Variants in ACOT11 observed in about 807,000 individuals in gnomAD.
The protein encoded by ACOT11 is acyl-coenzyme A thioesterase 11.
Under a neutral mutation model 77.5 loss-of-function variants are expected in ACOT11, and 69 were observed. The ratio of observed to expected loss-of-function variants is 0.89; its 90% CI spans 0.73 to 1.09. ACOT11 has a LOEUF of 1.09. Ranked by LOEUF, ACOT11 falls within the 50% of genes least tolerant of loss-of-function variation. The pLI is 0.00. For synonymous variants in ACOT11, 279 were observed against 313.0 expected, an observed-to-expected ratio of 0.89 and a Z score of 1.15; for missense variants, 766 against 813.7, an observed-to-expected ratio of 0.94 and a Z score of 0.71.
downstream of ACOT11, among the ~76,000 whole-genome samples, chr1:54,613,185 G>A (rs1644136911): frequency 6.6e-6 from 1 of 151,984 alleles, no homozygotes; most frequent in Non-Finnish European, 1.5e-5. Flanking sequence ...TTCGAGACCA[G>A]CCTGACCAAC....
chr1:54,612,494 T>C, downstream of ACOT11: 2 of 1,613,416 alleles, frequency 1.2e-6, no homozygotes, highest in Non-Finnish European at 1.7e-6. Flanking sequence ...ACCTCTCAGA[T>C]TGGCTCAGCA....
At chr1:54,611,065 G>C, downstream of ACOT11, 1 of 956,878 alleles carries the variant, frequency 1.0e-6, no homozygotes, top group Non-Finnish European at 1.2e-6. Flanking sequence ...CATAAAAGCT[G>C]AGTGACTGTA....
At chr1:54,605,732 A>C (rs1644016839) in intron 13 of ACOT11, among the ~76,000 whole-genome samples, 1 of 152,214 alleles carries the variant, frequency 6.6e-6, no homozygotes, top group Non-Finnish European at 1.5e-5. Flanking sequence ...AATGATTATG[A>C]ATAGAAATAT....
intron 1 of ACOT11, among the ~76,000 whole-genome samples, chr1:54,578,313 G>A (rs1654186473): frequency 6.6e-6 from 1 of 152,150 alleles, no homozygotes; most frequent in Non-Finnish European, 1.5e-5. Flanking sequence ...AGTGTCTCCA[G>A]TCTCTTATTG....
At chr1:54,633,863 C>A (rs1644315130) in intron 16 of ACOT11, among the ~76,000 whole-genome samples, 1 of 152,234 alleles carries the variant, frequency 6.6e-6, no homozygotes. Context: ...AGAGTTACAA[C>A]TGATTGAGAA....
At chr1:54,557,575 T>A (rs1359868500) in intron 1 of ACOT11, among the ~76,000 whole-genome samples, 1 of 152,152 alleles carries the variant, frequency 6.6e-6, no homozygotes, top group African/African-American at 2.4e-5. Context: ...CCACCACTCC[T>A]GGTTTTTACC....
At chr1:54,633,243 G>A (rs897489394) in intron 16 of ACOT11, among the ~76,000 whole-genome samples, 4 of 152,144 alleles carry the variant, frequency 2.6e-5, no homozygotes, top group Non-Finnish European at 5.9e-5. Flanking sequence ...AAGAAAAACT[G>A]GAGGTTTTAG....
At chr1:54,604,487 G>A in intron 12 of ACOT11, 58 bp downstream of exon 12, 2 of 1,500,982 alleles carry the variant, frequency 1.3e-6, no homozygotes, top group East Asian at 2.3e-5. Flanking sequence ...GTGGCTAATG[G>A]CAAGCAACAA....
intron 1 of ACOT11, among the ~76,000 whole-genome samples, chr1:54,574,514 A>G (rs994006595): frequency 7.2e-5 from 11 of 152,348 alleles, no homozygotes; most frequent in African/African-American, 2.6e-4. Flanking sequence ...GGCAACTTAC[A>G]AAGCTGTTCA....
At chr1:54,599,220 A>G (rs1643933997) in intron 7 of ACOT11, 76 bp from the exon 8 acceptor site, 1 of 104,828 alleles carries the variant, frequency 9.5e-6, no homozygotes, top group Non-Finnish European at 1.8e-5. Context: ...ATATATATAT[A>G]TATAAAAATC....
At chr1:54,622,904 A>G (rs1241487848) in intron 15 of ACOT11, among the ~76,000 whole-genome samples, 3 of 151,890 alleles carry the variant, frequency 2.0e-5, no homozygotes, top group Non-Finnish European at 4.4e-5. Context: ...GCCAGGCATG[A>G]TGACTCACAC....
intron 16 of ACOT11, among the ~76,000 whole-genome samples, chr1:54,634,462 T>C (rs1644319565): frequency 6.6e-6 from 1 of 152,218 alleles, no homozygotes; most frequent in Non-Finnish European, 1.5e-5. Context: ...GATTTCTGAT[T>C]CTTCATATGT....
intron 1 of ACOT11, among the ~76,000 whole-genome samples, chr1:54,562,248 G>A (rs1280285957): frequency 1.1e-4 from 12 of 113,140 alleles, no homozygotes; most frequent in Non-Finnish European, 1.4e-4. Context: ...CCCGGACGGG[G>A]CGGCTGGCCA....
downstream of ACOT11, chr1:54,610,335 ACCGG>A (rs1208214838): frequency 6.4e-7 from 1 of 1,563,048 alleles, no homozygotes; most frequent in Non-Finnish European, 8.7e-7. Flanking sequence ...GGCAACAGAG[ACCGG>A]CGGTACCTGC....
chr1:54,589,127 C>T (rs1322961389), intron 3 of ACOT11, among the ~76,000 whole-genome samples: 1 of 152,056 alleles, frequency 6.6e-6, no homozygotes, highest in Non-Finnish European at 1.5e-5. Flanking sequence ...AGCAATTCTC[C>T]TGTCTAAACC....
rs1569777012 is a variant in ACOT11 at position 54,609,666 on chromosome 1, C to G, written c.*554C>G. 2 of 1,613,886 alleles carry G rather than the reference C, an allele frequency of 1.2e-6. No homozygotes were observed. Among genetic ancestry groups the G allele is most frequent in the Non-Finnish European group, 1.7e-6 (2 of 1,180,050 alleles). On this transcript the variant is annotated 3_prime_UTR_variant, in exon 16 of 16. Transcript: ENST00000343744. ...TCTCTGCCAGCCACATGGCCGGGGA[C>G]CGAAAAACTCCCGTGGGAGATTTTG...
intron 1 of ACOT11, among the ~76,000 whole-genome samples, chr1:54,562,259 G>T (rs1260654777): frequency 1.7e-5 from 2 of 120,916 alleles, no homozygotes; most frequent in African/African-American, 3.7e-5. Flanking sequence ...CGGCTGGCCA[G>T]GCGGGGGGCT....
chr1:54,622,854 T>C lies in ACOT11; in HGVS notation c.1630-7880T>C, dbSNP rs557470453. 2.6e-5 allele frequency among the ~76,000 whole-genome samples: 4 copies of C among 151,384 alleles called. No homozygotes were observed. In the South Asian group the frequency reaches 8.4e-4, roughly 32 times the overall value. ...AGAGAAAGAGCTGTGGATGGGGGAATGAGGCTTGGTGGGGACGAGGGCTCA... is the reference window on the plus strand; with the variant it reads ...AGAGAAAGAGCTGTGGATGGGGGAACGAGGCTTGGTGGGGACGAGGGCTCA... On this transcript the variant is annotated intron_variant, in intron 15 of 16. Coordinates refer to the ACOT11 transcript ENST00000371316.
At position 54,609,470 on chromosome 1, in the gene ACOT11, T is replaced by A; in HGVS notation, c.*358T>A. On this transcript the variant is annotated 3_prime_UTR_variant, in exon 16 of 16. Transcript: ENST00000343744. ...CCTGCCTATGGCTCCAGCTGTGCTGTGGCCCAGCAGCATGGCCTGCATCTG... is the reference window on the plus strand; with the variant it reads ...CCTGCCTATGGCTCCAGCTGTGCTGAGGCCCAGCAGCATGGCCTGCATCTG... 6.2e-7 allele frequency: 1 copy of A among 1,613,548 alleles called. No individual in the cohort carries two copies. Among genetic ancestry groups the A allele is most frequent in the Non-Finnish European group, 8.5e-7 (1 of 1,180,020 alleles).
Sources: allele counts gnomAD v4.1 joint callset (sites outside exome capture counted in the v4.1 genomes callset), GRCh38; gene constraint gnomAD v4.1.1; transcripts MANE v1.5; gene names NCBI Gene and HGNC (gene_info 2026-07-23, HGNC 2026-07-21).